Variants in THSD7A observed in about 807,000 individuals in gnomAD.
The protein encoded by THSD7A is thrombospondin type 1 domain containing 7A, also known as thrombospondin type-1 domain-containing protein 7A.
Under a neutral mutation model 231.3 loss-of-function variants are expected in THSD7A, and 96 were observed. That is an observed-to-expected ratio of 0.41 (90% CI 0.35 to 0.49). The LOEUF (loss-of-function observed/expected upper bound fraction) is 0.49. Ranked by LOEUF, THSD7A falls within the 20% of genes least tolerant of loss-of-function variation. The pLI, the probability that THSD7A is intolerant of heterozygous loss-of-function variation, is 0.05. For synonymous variants in THSD7A, 940 were observed against 743.3 expected (o/e 1.26, Z -4.30); for missense variants, 2,290 against 2,070.2 (o/e 1.11, Z -2.06).
intron 11 of THSD7A, among the ~76,000 whole-genome samples, chr7:11,449,979 A>G (rs1040028864): frequency 1.3e-5 from 2 of 152,106 alleles, no homozygotes; most frequent in African/African-American, 4.8e-5. Context: ...GAAAATTAAA[A>G]ATTACCAAAC....
chr7:11,394,171 T>A (rs1235481436), intron 23 of THSD7A, among the ~76,000 whole-genome samples: 2 of 152,224 alleles, frequency 1.3e-5, no homozygotes, highest in Non-Finnish European at 2.9e-5. Flanking sequence ...TGGATCCCTC[T>A]GCAGAAATCC....
intron 3 of THSD7A, among the ~76,000 whole-genome samples, chr7:11,592,965 G>A (rs983680727): frequency 1.1e-4 from 16 of 151,990 alleles, no homozygotes; most frequent in South Asian, 4.1e-4. Flanking sequence ...ATAGAGACAC[G>A]TATGGCCTGC....
rs1409473305 is a variant in THSD7A, at chr7:11,469,975, G to C, written c.2272C>G (p.Pro758Ala). Residue 758 changes from proline to alanine, a missense_variant, in exon 9 of 28, where the codon CCT (proline) becomes GCT (alanine). Physicochemically the swap from Pro to Ala is conservative, Grantham distance 27. Coordinates refer to ENST00000423059, the MANE Select transcript of THSD7A (RefSeq NM_015204.3). ...AGCAGACAAGGCCTTACAGTTTCAG[G>C]TCGAAGGCTTTCAGGACATCTAGAA... The part of the protein sequence containing the change: ...GPKKCPESLR[P>A]ETVRPCLLPC... 5 of 1,592,194 alleles carry C rather than the reference G, an allele frequency of 3.1e-6. No individual in the cohort carries two copies. Among genetic ancestry groups the C allele is most frequent in the African/African-American group, 1.3e-5 (1 of 74,600 alleles).
At chr7:11,699,579 T>G (rs1036473166) in intron 1 of THSD7A, among the ~76,000 whole-genome samples, 4 of 151,326 alleles carry the variant, frequency 2.6e-5, no homozygotes, top group Non-Finnish European at 4.4e-5. Context: ...GCAGAAATCA[T>G]TCTTTAAAAT....
At chr7:11,582,844 G>GA (rs1227083306) in intron 4 of THSD7A, among the ~76,000 whole-genome samples, 1 of 152,010 alleles carries the variant, frequency 6.6e-6, no homozygotes, top group Admixed American at 6.6e-5. Context: ...TTGTTGAGCT[G>GA]AAATTTCACT....
At chr7:11,568,624 C>CAAAAAAAAAAAA (rs33930587) in intron 4 of THSD7A, among the ~76,000 whole-genome samples, 1 of 48,996 alleles carries the variant, frequency 2.0e-5, no homozygotes, top group Admixed American at 4.5e-4. Flanking sequence ...AACTCCGTCT[C>CAAAAAAAAAAAA]AAAAAAAAAA....
chr7:11,560,975 A>C (rs544677843), intron 4 of THSD7A, among the ~76,000 whole-genome samples: 1 of 152,306 alleles, frequency 6.6e-6, no homozygotes, highest in African/African-American at 2.4e-5. Context: ...CTTAACAGAT[A>C]CTAAGTTATT....
rs544816662 is a variant in THSD7A at position 11,375,027 on chromosome 7, G to A, written c.*767C>T. The stretch of plus-strand genomic sequence containing the variant: ...CCTTCCATATAGCAAAAAAGATGCA[G>A]GCAACCAGTTTGAAAATCAGGGAAA... On this transcript the variant is annotated 3_prime_UTR_variant, in exon 28 of 28. Coordinates refer to ENST00000423059, the MANE Select transcript of THSD7A (RefSeq NM_015204.3). 1 of 152,078 alleles carries A rather than the reference G, an allele frequency of 6.6e-6. No individual in the cohort carries two copies. The highest frequency in any genetic ancestry group is 6.6e-5 in the Admixed American group (1 of 15,234). 9.4% of individuals were successfully genotyped at this position (152,078 alleles called of 1,614,324 possible). A position where few individuals can be genotyped will look rare whatever the true frequency, so the allele number is the denominator to read the frequency against.
In THSD7A at chr7:11,379,139, G is replaced by T. The variant is rs758424669; in HGVS notation, c.4732C>A (p.His1578Asn). ...RGDVKTSRAV[H>N]PTQPSSNPAG... ...GGGTTACTGGAGGGTTGGGTTGGATGTACAGCCCGACTGGTTTTCACATCT... is the reference window on the plus strand; with the variant it reads ...GGGTTACTGGAGGGTTGGGTTGGATTTACAGCCCGACTGGTTTTCACATCT... The change falls in exon 26 of 28, where the codon CAT becomes AAT. Residue 1578 changes from histidine to asparagine, a missense_variant. Coordinates refer to ENST00000423059, the MANE Select transcript of THSD7A (RefSeq NM_015204.3). The T allele has an allele frequency of 5.6e-6, 9 of 1,613,520 alleles. No homozygotes were observed. The highest frequency in any genetic ancestry group is 7.6e-6 in the Non-Finnish European group (9 of 1,179,696).
At chr7:11,503,141 G>C (rs963778661) in intron 6 of THSD7A, among the ~76,000 whole-genome samples, 3 of 152,054 alleles carry the variant, frequency 2.0e-5, no homozygotes, top group Non-Finnish European at 4.4e-5. Context: ...AGAATAGAGA[G>C]CCCAGAAATA....
At chr7:11,721,887 T>C (rs956447752) in intron 1 of THSD7A, among the ~76,000 whole-genome samples, 2 of 151,906 alleles carry the variant, frequency 1.3e-5, no homozygotes, top group African/African-American at 4.8e-5. Flanking sequence ...ATTTGGAATC[T>C]TCCTCTTGCT....
intron 1 of THSD7A, among the ~76,000 whole-genome samples, chr7:11,736,427 C>A (rs976959105): frequency 1.3e-5 from 2 of 151,670 alleles, no homozygotes; most frequent in African/African-American, 4.9e-5. Flanking sequence ...TGCCACTGCA[C>A]TCCAGCCTGG....
intron 1 of THSD7A, among the ~76,000 whole-genome samples, chr7:11,746,743 A>T (rs1345844121): frequency 6.6e-6 from 1 of 151,768 alleles, no homozygotes; most frequent in Non-Finnish European, 1.5e-5. Flanking sequence ...TTCCACTATA[A>T]AGTTATTATT....
intron 2 of THSD7A, among the ~76,000 whole-genome samples, chr7:11,606,218 A>C (rs1205535448): frequency 6.6e-6 from 1 of 152,298 alleles, no homozygotes; most frequent in East Asian, 1.9e-4. Flanking sequence ...GGTATAGGCC[A>C]GTTTTGTTAC....
rs78996743 is a variant in THSD7A, at chr7:11,763,766, A to G, written c.190+67991T>C. On this transcript the variant is annotated intron_variant, in intron 1 of 27. Coordinates refer to ENST00000423059, the MANE Select transcript of THSD7A (RefSeq NM_015204.3). Reference sequence around the variant, plus strand: ...ATACGGTTCCTGCCTTTCTAGGAAAATGATATTTAGATTCCTGCTCTAGCT... The same window carrying G: ...ATACGGTTCCTGCCTTTCTAGGAAAGTGATATTTAGATTCCTGCTCTAGCT... Among the ~76,000 whole-genome samples the G allele has an allele frequency of 5.5e-3, 839 of 152,246 alleles. 7 individuals carry two copies. The highest frequency in any genetic ancestry group is 0.019 in the African/African-American group (801 of 41,562).
At chr7:11,570,324 A>G (rs905051514) in intron 4 of THSD7A, among the ~76,000 whole-genome samples, 1 of 152,194 alleles carries the variant, frequency 6.6e-6, no homozygotes, top group Admixed American at 6.5e-5. Context: ...TAGAAAGTAG[A>G]ATGATAGTTA....
chr7:11,679,763 A>T (rs554107824), intron 1 of THSD7A, among the ~76,000 whole-genome samples: 1 of 152,316 alleles, frequency 6.6e-6, no homozygotes, highest in African/African-American at 2.4e-5. Flanking sequence ...GAAAATGGCC[A>T]TACTGCCCAA....
chr7:11,380,977 T>C (rs141595455), intron 24 of THSD7A, among the ~76,000 whole-genome samples: 1 of 152,282 alleles, frequency 6.6e-6, no homozygotes, highest in East Asian at 1.9e-4. Flanking sequence ...TTTGAATATG[T>C]AGAAGAAAAG....
In THSD7A at chr7:11,697,390, T is replaced by G. The variant is rs138247734; in HGVS notation, c.191-60429A>C. On this transcript the variant is annotated intron_variant, in intron 1 of 27. Coordinates refer to ENST00000423059, the MANE Select transcript of THSD7A (RefSeq NM_015204.3). ...TTTTTAACTCTGTAATAATTTTTCATGCTTTTATGTGGTTTCATATTTTAC... is the reference window on the plus strand; with the variant it reads ...TTTTTAACTCTGTAATAATTTTTCAGGCTTTTATGTGGTTTCATATTTTAC... Among the ~76,000 whole-genome samples the G allele has an allele frequency of 5.5e-3, 840 of 151,462 alleles. 7 individuals carry two copies. Among genetic ancestry groups the G allele is most frequent in the African/African-American group, 0.019 (794 of 41,476 alleles).
Sources: allele counts gnomAD v4.1 joint callset (sites outside exome capture counted in the v4.1 genomes callset), GRCh38; gene constraint gnomAD v4.1.1; transcripts MANE v1.5; gene names NCBI Gene and HGNC (gene_info 2026-07-23, HGNC 2026-07-21).